The following WASF3 variants were observed in gnomAD, a reference collection of about 807,000 sequenced individuals.
WASF3 encodes the protein WASP family member 3.
In WASF3, 11 loss-of-function variants were observed where a neutral mutation model predicts 46.6. The observed-to-expected ratio is 0.24, with a 90% CI of 0.15 to 0.39. The LOEUF (loss-of-function observed/expected upper bound fraction) is 0.39, where lower values mean the gene tolerates loss of function less well. Ranked by LOEUF, WASF3 falls within the 10% of genes least tolerant of loss-of-function variation. The probability of loss-of-function intolerance (pLI) is 1.00; values close to 1 mark genes in which losing one functional copy is unlikely to be tolerated. For missense variants in WASF3, 576 were observed against 669.8 expected (o/e 0.86, Z 1.55); for synonymous variants, 242 against 259.7 (o/e 0.93, Z 0.65).
chr13:26,539,862 G>T, the WASF3 span, among the ~76,000 whole-genome samples: 8 of 152,142 alleles, frequency 5.3e-5, no homozygotes, highest in East Asian at 1.5e-3. Flanking sequence ...GGTTTTCCTG[G>T]GATATCTTTT....
chr13:26,663,710 G>A (rs962749269), intron 3 of WASF3, among the ~76,000 whole-genome samples: 1 of 152,118 alleles, frequency 6.6e-6, no homozygotes, highest in Non-Finnish European at 1.5e-5. Flanking sequence ...CCAGTGTCTA[G>A]GTGTAACCAT....
At chr13:26,554,203 T>C (rs143949004), upstream of WASF3, among the ~76,000 whole-genome samples, 563 of 151,636 alleles carry the variant, frequency 3.7e-3, 5 homozygotes, top group African/African-American at 0.012. Flanking sequence ...CACAGCTCAC[T>C]GCAGCCTCCA....
Position 26,682,194 on chromosome 13 carries a change from G to A in WASF3, c.984-413G>A, listed in dbSNP as rs1883251945. On this transcript the variant is annotated intron_variant, in intron 8 of 9. Coordinates refer to ENST00000335327, the MANE Select transcript of WASF3 (RefSeq NM_006646.6). This position sits in a 1 kb window ranked among gnomAD's most constrained non-coding sequence, Gnocchi z 4.4. ...CACTGCAGGCATGGGGCATTTCCACGGAGGTGGGTTAGAGAATGTAGAAAG... is the reference window on the plus strand; with the variant it reads ...CACTGCAGGCATGGGGCATTTCCACAGAGGTGGGTTAGAGAATGTAGAAAG... 6.6e-6 allele frequency among the ~76,000 whole-genome samples: 1 copy of A among 152,194 alleles called. No individual in the cohort carries two copies. The highest frequency in any genetic ancestry group is 2.1e-4 in the South Asian group (1 of 4,834).
chr13:26,553,816 CAAA>C (rs35110514), upstream of WASF3, among the ~76,000 whole-genome samples: 5 of 131,566 alleles, frequency 3.8e-5, no homozygotes, highest in Non-Finnish European at 4.8e-5. Flanking sequence ...GACTCCATCT[CAAA>C]AAAAAAAAAA....
chr13:26,669,298 G>T (rs1298068851), intron 5 of WASF3, among the ~76,000 whole-genome samples: 1 of 139,534 alleles, frequency 7.2e-6, no homozygotes, highest in African/African-American at 2.7e-5. Flanking sequence ...TGCAGCCTTT[G>T]CCTCCTGGGT....
chr13:26,588,033 T>C (rs1880181786), intron 1 of WASF3, among the ~76,000 whole-genome samples: 1 of 152,160 alleles, frequency 6.6e-6, no homozygotes, highest in Non-Finnish European at 1.5e-5. Context: ...AAGAATAATA[T>C]TCTGAAGTAG....
chr13:26,592,584 C>T (rs1441396074), intron 1 of WASF3, among the ~76,000 whole-genome samples: 1 of 152,058 alleles, frequency 6.6e-6, no homozygotes, highest in Non-Finnish European at 1.5e-5. Flanking sequence ...TCTTCTAAGG[C>T]CATAGGTCCC....
At position 26,644,065 on chromosome 13, in the gene WASF3, A is replaced by T. The variant is rs116147192; in HGVS notation, c.133+1662A>T. Among the ~76,000 whole-genome samples the T allele has an allele frequency of 6.0e-3, 907 of 152,274 alleles. 7 individuals carry two copies. The highest frequency in any genetic ancestry group is 0.02 in the African/African-American group (835 of 41,552). On this transcript the variant is annotated intron_variant, in intron 3 of 9. Transcript: ENST00000335327. ...ACAAGGGTTCTTTAAATGGGAAAGG[A>T]GGGAGGTAGAAGAATCAGTGCCAGG...
chr13:26,662,669 A>G (rs1197754355), intron 3 of WASF3, among the ~76,000 whole-genome samples: 1 of 152,234 alleles, frequency 6.6e-6, no homozygotes, highest in Non-Finnish European at 1.5e-5. Flanking sequence ...GAAGAGGGGC[A>G]AAGGCCAACA....
At chr13:26,624,400 G>A (rs1166854253) in intron 2 of WASF3, among the ~76,000 whole-genome samples, 6 of 152,012 alleles carry the variant, frequency 3.9e-5, no homozygotes, top group Non-Finnish European at 8.8e-5. Context: ...GAAGAAACAA[G>A]GAAAGAGGAA....
chr13:26,670,434 C>T (rs1882897259), intron 5 of WASF3, among the ~76,000 whole-genome samples: 1 of 152,048 alleles, frequency 6.6e-6, no homozygotes, highest in Admixed American at 6.5e-5. Flanking sequence ...CACCATGGCA[C>T]ATATACCTGT....
At chr13:26,613,321 A>T (rs911678129) in intron 2 of WASF3, among the ~76,000 whole-genome samples, 1 of 151,772 alleles carries the variant, frequency 6.6e-6, no homozygotes, top group African/African-American at 2.4e-5. Flanking sequence ...GAAAAACATG[A>T]TTATGTAGTT....
chr13:26,554,096 C>CTTTTTCT (rs1555245931), upstream of WASF3, among the ~76,000 whole-genome samples: 1 of 7,372 alleles, frequency 1.4e-4, no homozygotes, highest in African/African-American at 3.8e-4. Context: ...TCCTTCCTTC[C>CTTTTTCT]TTCTTTCTTT....
At chr13:26,659,009 G>A (rs1232946512) in intron 3 of WASF3, among the ~76,000 whole-genome samples, 1 of 152,230 alleles carries the variant, frequency 6.6e-6, no homozygotes. Context: ...TGGATCATAT[G>A]TTCTAGTGGT....
chr13:26,659,696 C>T (rs897092762), intron 3 of WASF3, among the ~76,000 whole-genome samples: 2 of 152,078 alleles, frequency 1.3e-5, no homozygotes, highest in Non-Finnish European at 2.9e-5. Context: ...CAGTCAGACC[C>T]TGGATATATT....
the WASF3 span, among the ~76,000 whole-genome samples, chr13:26,540,268 C>T: frequency 6.6e-6 from 1 of 152,192 alleles, no homozygotes; most frequent in Non-Finnish European, 1.5e-5. Context: ...ATCCCCCTCT[C>T]CCAAGGCAAC....
At chr13:26,606,123 G>T (rs1325280013) in intron 1 of WASF3, among the ~76,000 whole-genome samples, 1 of 152,022 alleles carries the variant, frequency 6.6e-6, no homozygotes, top group East Asian at 1.9e-4. Context: ...GAGGTAGACG[G>T]CTCTTCCCAT....
chr13:26,590,392 G>A (rs1243112344), intron 1 of WASF3, among the ~76,000 whole-genome samples: 1 of 151,548 alleles, frequency 6.6e-6, no homozygotes, highest in Admixed American at 6.6e-5. Context: ...TTTTTTATTT[G>A]AGAAAAAAGA....
intron 1 of WASF3, among the ~76,000 whole-genome samples, chr13:26,583,840 G>A (rs1880052512): frequency 6.6e-6 from 1 of 152,204 alleles, no homozygotes; most frequent in Admixed American, 6.5e-5. Flanking sequence ...GCGGCAGATA[G>A]TAACAGGAGT....
Sources: gnomAD v4.1 joint callset for allele counts (sites outside exome capture counted in the v4.1 genomes callset) on GRCh38, gnomAD v4.1.1 for gene constraint, Gnocchi (gnomAD v3.1) non-coding constraint, MANE v1.5 for transcripts, NCBI Gene and HGNC (gene_info 2026-07-23, HGNC 2026-07-21) for gene names.